Variants in KCNH7 observed in about 807,000 individuals in gnomAD.
KCNH7 encodes voltage-gated inwardly rectifying potassium channel KCNH7.
KCNH7 carries 49 observed loss-of-function variants against 120.8 expected under a neutral mutation model. The observed-to-expected ratio is 0.41, with a 90% CI of 0.32 to 0.51. The LOEUF (loss-of-function observed/expected upper bound fraction) is 0.51, where lower values mean the gene tolerates loss of function less well. Ranked by LOEUF, KCNH7 falls within the 20% of genes least tolerant of loss-of-function variation. The pLI is 0.38. For synonymous variants in KCNH7, 547 were observed against 516.1 expected (o/e 1.06, Z -0.81); for missense variants, 1,097 against 1,446.6 (o/e 0.76, Z 3.92).
chr2:162,814,185 A>G (rs1181822500), intron 2 of KCNH7, among the ~76,000 whole-genome samples: 1 of 152,142 alleles, frequency 6.6e-6, no homozygotes, highest in Non-Finnish European at 1.5e-5. Flanking sequence ...ATATACAAGT[A>G]GGTTTGCAGG....
Position 162,714,948 on chromosome 2 carries a change from T to G in KCNH7, c.307+121589A>C, listed in dbSNP as rs1316322034. Among the ~76,000 whole-genome samples the G allele has an allele frequency of 5.9e-5, 9 of 152,290 alleles. No homozygotes were observed. In the East Asian group the frequency reaches 1.5e-3, roughly 26 times the overall value. ...CCTCTGTCCTAAAGCTATAGGTTAG[T>G]AAAAACAGCTTTGTTATAAATGTCA... On this transcript the variant is annotated intron_variant, in intron 2 of 15. Transcript: ENST00000332142.
intron 2 of KCNH7, among the ~76,000 whole-genome samples, chr2:162,674,266 T>C (rs976350483): frequency 2.0e-5 from 3 of 151,808 alleles, no homozygotes; most frequent in Non-Finnish European, 4.4e-5. Flanking sequence ...AGCAGAATTA[T>C]TGAGTAATTA....
intron 2 of KCNH7, among the ~76,000 whole-genome samples, chr2:162,731,052 A>T (rs978390558): frequency 6.6e-6 from 1 of 151,796 alleles, no homozygotes; most frequent in African/African-American, 2.4e-5. Flanking sequence ...CTTAAATGAG[A>T]TGCAAAATGT....
intron 2 of KCNH7, among the ~76,000 whole-genome samples, chr2:162,660,776 A>C (rs530199141): frequency 1.3e-5 from 2 of 152,322 alleles, no homozygotes; most frequent in African/African-American, 4.8e-5. Context: ...GAAATATTAC[A>C]ATGTGTTAAA....
chr2:162,742,826 A>T (rs1253738060), intron 2 of KCNH7, among the ~76,000 whole-genome samples: 2 of 152,224 alleles, frequency 1.3e-5, no homozygotes, highest in Non-Finnish European at 2.9e-5. Context: ...TGTGACAAAA[A>T]TTAGAGACAT....
intron 2 of KCNH7, among the ~76,000 whole-genome samples, chr2:162,602,463 C>CT (rs1259167043): frequency 7.2e-5 from 11 of 152,088 alleles, no homozygotes. Context: ...ACTTTTTAAA[C>CT]TTTGTTTTCT....
intron 6 of KCNH7, among the ~76,000 whole-genome samples, chr2:162,470,018 G>GC (rs1347096571): frequency 6.6e-6 from 1 of 152,222 alleles, no homozygotes; most frequent in African/African-American, 2.4e-5. Flanking sequence ...GCTCAATGGT[G>GC]CCCAGGCTGG....
At chr2:162,603,244 T>C (rs925790825) in intron 2 of KCNH7, among the ~76,000 whole-genome samples, 1 of 151,936 alleles carries the variant, frequency 6.6e-6, no homozygotes, top group African/African-American at 2.4e-5. Flanking sequence ...GACCTTGAGA[T>C]ATATAGATTG....
chr2:162,807,336 C>T (rs1431666206), intron 2 of KCNH7, among the ~76,000 whole-genome samples: 1 of 148,968 alleles, frequency 6.7e-6, no homozygotes, highest in Non-Finnish European at 1.5e-5. Flanking sequence ...ACTGGAGAGG[C>T]TGAGGTACGA....
intron 2 of KCNH7, among the ~76,000 whole-genome samples, chr2:162,655,830 T>C (rs868385425): frequency 8.5e-5 from 13 of 152,214 alleles, no homozygotes; most frequent in Middle Eastern, 3.4e-3. Context: ...TGTGGTCATA[T>C]TTTGAGATAG....
intron 2 of KCNH7, among the ~76,000 whole-genome samples, chr2:162,568,753 G>T (rs1693351262): frequency 6.6e-6 from 1 of 151,872 alleles, no homozygotes; most frequent in Admixed American, 6.6e-5. Flanking sequence ...CTAGCAAAAA[G>T]AATGCAAACT....
chr2:162,705,893 G>A (rs867483265), intron 2 of KCNH7, among the ~76,000 whole-genome samples: 4 of 152,144 alleles, frequency 2.6e-5, no homozygotes, highest in African/African-American at 4.8e-5. Flanking sequence ...TCAACTGTCA[G>A]CTCATGCTCC....
intron 2 of KCNH7, among the ~76,000 whole-genome samples, chr2:162,595,536 C>A (rs984998475): frequency 1.3e-5 from 2 of 151,866 alleles, no homozygotes; most frequent in African/African-American, 4.8e-5. Context: ...ATGATAAAAT[C>A]TCTCAACAAA....
intron 2 of KCNH7, among the ~76,000 whole-genome samples, chr2:162,568,096 C>T (rs559139423): frequency 6.6e-6 from 1 of 151,996 alleles, no homozygotes; most frequent in Non-Finnish European, 1.5e-5. Context: ...CAAACATGTC[C>T]TTCTTCACAT....
At chr2:162,808,935 T>C (rs1210775372) in intron 2 of KCNH7, among the ~76,000 whole-genome samples, 2 of 152,168 alleles carry the variant, frequency 1.3e-5, no homozygotes, top group South Asian at 4.1e-4. Context: ...TACAGTCCAG[T>C]GTTTCTCTGC....
intron 2 of KCNH7, among the ~76,000 whole-genome samples, chr2:162,786,795 C>A (rs1348107096): frequency 1.3e-5 from 2 of 152,122 alleles, no homozygotes; most frequent in Non-Finnish European, 2.9e-5. Context: ...TCATCAGCAA[C>A]ATGGTGGAAT....
intron 3 of KCNH7, among the ~76,000 whole-genome samples, chr2:162,522,847 A>G (rs1434583357): frequency 6.6e-6 from 1 of 151,842 alleles, no homozygotes; most frequent in Non-Finnish European, 1.5e-5. Flanking sequence ...GCATGAATAT[A>G]ATTATAGTAG....
intron 6 of KCNH7, among the ~76,000 whole-genome samples, chr2:162,481,320 T>A (rs1377769836): frequency 2.6e-5 from 4 of 152,170 alleles, no homozygotes; most frequent in Admixed American, 6.6e-5. Context: ...TTACTGAATG[T>A]CTACAATGAA....
At chr2:162,746,841 C>T (rs1688334409) in intron 2 of KCNH7, among the ~76,000 whole-genome samples, 1 of 151,966 alleles carries the variant, frequency 6.6e-6, no homozygotes, top group Non-Finnish European at 1.5e-5. Flanking sequence ...GTCCATGAAG[C>T]CTTTCAAAAT....
Sources: gnomAD v4.1 joint callset for allele counts (sites outside exome capture counted in the v4.1 genomes callset) on GRCh38, gnomAD v4.1.1 for gene constraint, MANE v1.5 for transcripts, NCBI Gene and HGNC (gene_info 2026-07-23, HGNC 2026-07-21) for gene names.